The following TMTC2 variants were observed in gnomAD, a reference collection of about 807,000 sequenced individuals.
TMTC2 encodes the protein transmembrane O-mannosyltransferase targeting cadherins 2, also known as protein O-mannosyl-transferase TMTC2.
TMTC2 carries 43 observed loss-of-function variants against 82.4 expected under a neutral mutation model. The ratio of observed to expected loss-of-function variants is 0.52; its 90% CI spans 0.41 to 0.67. The LOEUF (loss-of-function observed/expected upper bound fraction) is 0.67. Among genes scored for constraint, TMTC2 ranks in the 30% least tolerant of loss-of-function variants. The probability of loss-of-function intolerance (pLI) is 0.00; values close to 1 mark genes in which losing one functional copy is unlikely to be tolerated. For synonymous variants in TMTC2, 408 were observed against 381.9 expected, an observed-to-expected ratio of 1.07 and a Z score of -0.80; for missense variants, 919 against 1,012.4, an observed-to-expected ratio of 0.91 and a Z score of 1.25.
intron 9 of TMTC2, among the ~76,000 whole-genome samples, chr12:83,035,895 A>T (rs1294799169): frequency 2.0e-5 from 3 of 152,212 alleles, no homozygotes; most frequent in African/African-American, 7.2e-5. Context: ...AATTTAAATC[A>T]ATGAACATTT....
intron 3 of TMTC2, among the ~76,000 whole-genome samples, chr12:82,898,494 T>C (rs577562449): frequency 8.1e-4 from 124 of 152,314 alleles, no homozygotes; most frequent in Middle Eastern, 3.4e-3. Flanking sequence ...AAGACAAAAG[T>C]GGCTTAAGTA....
chr12:82,966,207 T>G (rs991106563), intron 6 of TMTC2, among the ~76,000 whole-genome samples: 6 of 152,126 alleles, frequency 3.9e-5, no homozygotes, highest in African/African-American at 1.4e-4. Flanking sequence ...TTCTCTTAAT[T>G]CTTTAAAAAA....
At chr12:82,746,153 G>C (rs1490338557) in intron 1 of TMTC2, among the ~76,000 whole-genome samples, 1 of 152,176 alleles carries the variant, frequency 6.6e-6, no homozygotes, top group Non-Finnish European at 1.5e-5. Flanking sequence ...TTTCATAGCT[G>C]TTACTGGACA....
At chr12:83,023,065 G>T (rs1417074420) in intron 8 of TMTC2, among the ~76,000 whole-genome samples, 1 of 152,130 alleles carries the variant, frequency 6.6e-6, no homozygotes, top group African/African-American at 2.4e-5. Flanking sequence ...GAATCAGTTG[G>T]CTAGTGTGTC....
At chr12:82,974,319 T>G (rs973034855) in intron 7 of TMTC2, among the ~76,000 whole-genome samples, 2 of 152,232 alleles carry the variant, frequency 1.3e-5, no homozygotes, top group African/African-American at 4.8e-5. Context: ...AGTAAAACTT[T>G]TACTCAGTAG....
At chr12:82,802,591 A>C (rs1295884699) in intron 1 of TMTC2, among the ~76,000 whole-genome samples, 3 of 152,220 alleles carry the variant, frequency 2.0e-5, no homozygotes, top group Non-Finnish European at 4.4e-5. Flanking sequence ...TCGATAATTC[A>C]AGAAAACTTT....
intron 4 of TMTC2, among the ~76,000 whole-genome samples, chr12:82,964,612 C>G (rs879783230): frequency 4.6e-5 from 7 of 152,112 alleles, no homozygotes; most frequent in Admixed American, 3.3e-4. Context: ...AGCAACACAG[C>G]TAGTGAGAGA....
chr12:83,020,690 T>C (rs773795220), intron 8 of TMTC2, among the ~76,000 whole-genome samples: 19 of 152,162 alleles, frequency 1.2e-4, no homozygotes, highest in Non-Finnish European at 2.6e-4. Context: ...TAAGTAATTT[T>C]CTCAGGTGGA....
chr12:82,840,691 G>A (rs1051189340), intron 1 of TMTC2, among the ~76,000 whole-genome samples: 2 of 152,194 alleles, frequency 1.3e-5, no homozygotes, highest in Non-Finnish European at 2.9e-5. Flanking sequence ...GGCACTGCGC[G>A]TATACACCTG....
chr12:83,080,940 C>T (rs1375052195), intron 11 of TMTC2, among the ~76,000 whole-genome samples: 1 of 152,060 alleles, frequency 6.6e-6, no homozygotes, highest in African/African-American at 2.4e-5. Flanking sequence ...ACTTTAAAGC[C>T]ACACAAGCAG....
intron 11 of TMTC2, among the ~76,000 whole-genome samples, chr12:83,122,735 T>C (rs1255135679): frequency 3.9e-5 from 6 of 152,136 alleles, no homozygotes; most frequent in Admixed American, 3.9e-4. Context: ...TCCTCTCAGA[T>C]TTCCTGATTT....
At chr12:83,011,138 C>T (rs149293654) in intron 8 of TMTC2, among the ~76,000 whole-genome samples, 513 of 152,210 alleles carry the variant, frequency 3.4e-3, no homozygotes, top group African/African-American at 0.011. Flanking sequence ...CCCGGCCTGA[C>T]GATGTCTAAT....
intron 8 of TMTC2, among the ~76,000 whole-genome samples, chr12:83,012,155 G>T (rs1362627620): frequency 1.3e-5 from 2 of 152,136 alleles, no homozygotes; most frequent in Admixed American, 1.3e-4. Context: ...ATGAAAGCTA[G>T]TCTAGTGTAT....
chr12:83,126,495 C>T (rs1885102482), intron 11 of TMTC2, among the ~76,000 whole-genome samples: 1 of 152,110 alleles, frequency 6.6e-6, no homozygotes, highest in Non-Finnish European at 1.5e-5. Context: ...TCAATCTGTA[C>T]TGCTACCTAT....
At chr12:82,785,364 C>T (rs1246361774) in intron 1 of TMTC2, among the ~76,000 whole-genome samples, 1 of 149,494 alleles carries the variant, frequency 6.7e-6, no homozygotes, top group African/African-American at 2.5e-5. Context: ...CAACCCCCCC[C>T]CGTCCCCCCC....
chr12:82,847,935 TAAAGTA>T (rs910631704), intron 1 of TMTC2, among the ~76,000 whole-genome samples: 2 of 152,150 alleles, frequency 1.3e-5, no homozygotes, highest in Admixed American at 6.5e-5. Context: ...CCCTAGAACT[TAAAGTA>T]TAATAATAAT....
At chr12:82,884,943 G>T (rs1873013340) in intron 2 of TMTC2, among the ~76,000 whole-genome samples, 1 of 152,056 alleles carries the variant, frequency 6.6e-6, no homozygotes, top group Non-Finnish European at 1.5e-5. Context: ...ACCCACACAG[G>T]AGTGTAGTTG....
In TMTC2 at chr12:82,923,494, C is replaced by T. The variant is rs138984230; in HGVS notation, c.1484-6937C>T. On this transcript the variant is annotated intron_variant, in intron 3 of 11. Transcript: ENST00000321196. ...TAAATAGAAGTCCTTTTTGAAGTAC[C>T]CAAATCCATTAATTTTTTTTTTACA... Among the ~76,000 whole-genome samples, 437 of 152,084 alleles carry T rather than the reference C, an allele frequency of 2.9e-3. 1 individual carries two copies. Among genetic ancestry groups the T allele is most frequent in the African/African-American group, 0.01 (427 of 41,526 alleles).
intron 11 of TMTC2, among the ~76,000 whole-genome samples, chr12:83,113,028 C>T (rs1010070707): frequency 7.9e-5 from 12 of 152,048 alleles, no homozygotes; most frequent in Non-Finnish European, 1.5e-4. Context: ...CCTTCTTTTT[C>T]AAGTTTGGTT....
Sources: gnomAD v4.1 joint callset for allele counts (sites outside exome capture counted in the v4.1 genomes callset) on GRCh38, gnomAD v4.1.1 for gene constraint, MANE v1.5 for transcripts, NCBI Gene and HGNC (gene_info 2026-07-23, HGNC 2026-07-21) for gene names.